The following PFKFB3 variants were observed in gnomAD, a reference collection of about 807,000 sequenced individuals.
PFKFB3 encodes the protein 6-phosphofructo-2-kinase/fructose-2,6-biphosphatase 3.
PFKFB3 carries 33 observed loss-of-function variants against 68.0 expected under a neutral mutation model. That is an observed-to-expected ratio of 0.49 (90% CI 0.37 to 0.65). The LOEUF (loss-of-function observed/expected upper bound fraction) is 0.65. Ranked by LOEUF, PFKFB3 falls within the 30% of genes least tolerant of loss-of-function variation. The pLI is 0.00. For missense variants in PFKFB3, 586 were observed against 712.2 expected, an observed-to-expected ratio of 0.82 and a Z score of 2.02; for synonymous variants, 315 against 288.2, an observed-to-expected ratio of 1.09 and a Z score of -0.94.
the PFKFB3 span, among the ~76,000 whole-genome samples, chr10:6,278,799 G>A: frequency 6.6e-6 from 1 of 152,152 alleles, no homozygotes; most frequent in African/African-American, 2.4e-5. Context: ...GCTCGTTTAA[G>A]GAATGAATAG....
chr10:6,240,325 C>T (rs1248318956), downstream of PFKFB3, among the ~76,000 whole-genome samples: 1 of 152,048 alleles, frequency 6.6e-6, no homozygotes, highest in Non-Finnish European at 1.5e-5. Context: ...ACTGCGGTGG[C>T]ACTATCTCGG....
chr10:6,210,346 GTTTT>G (rs1225843582), intron 1 of PFKFB3, among the ~76,000 whole-genome samples: 1 of 32,790 alleles, frequency 3.0e-5, no homozygotes, highest in East Asian at 1.3e-3. Context: ...GTTTTTTTTT[GTTTT>G]TTTTTGTTTT....
chr10:6,149,070 C>A (rs186550070), intron 1 of PFKFB3, among the ~76,000 whole-genome samples: 1 of 152,118 alleles, frequency 6.6e-6, no homozygotes. Flanking sequence ...CAGAGCAAGA[C>A]CCTGTCTCTC....
intron 1 of PFKFB3, among the ~76,000 whole-genome samples, chr10:6,179,989 C>T (rs1177577248): frequency 2.6e-5 from 4 of 152,062 alleles, no homozygotes; most frequent in African/African-American, 4.8e-5. Flanking sequence ...AGGTGCTAGT[C>T]GGGTCCTGAG....
chr10:6,191,208 A>G (rs12359173), intron 1 of PFKFB3, among the ~76,000 whole-genome samples: 13,710 of 152,320 alleles, frequency 0.09, 814 homozygotes, highest in Non-Finnish European at 0.13. Context: ...TTATTTAAAG[A>G]TACATTTGTT....
intron 1 of PFKFB3, among the ~76,000 whole-genome samples, chr10:6,205,202 A>T (rs961340310): frequency 1.4e-5 from 2 of 143,382 alleles, no homozygotes; most frequent in Non-Finnish European, 3.1e-5. Context: ...CCTTCTTGTA[A>T]AAAGATCCGC....
chr10:6,191,568 G>GGGGCTC (rs1013734433), intron 1 of PFKFB3, among the ~76,000 whole-genome samples: 18 of 152,342 alleles, frequency 1.2e-4, no homozygotes, highest in Admixed American at 1.1e-3. Context: ...AGCTGGGATG[G>GGGGCTC]GGGCTCGGGC....
chr10:6,253,198 A>G (rs748325549), intron 14 of PFKFB3, among the ~76,000 whole-genome samples: 3 of 152,212 alleles, frequency 2.0e-5, no homozygotes, highest in Non-Finnish European at 2.9e-5. Flanking sequence ...GATTATAGGC[A>G]TGAGCCACCA....
At chr10:6,153,939 G>T (rs1176014960) in intron 1 of PFKFB3, among the ~76,000 whole-genome samples, 1 of 152,156 alleles carries the variant, frequency 6.6e-6, no homozygotes, top group African/African-American at 2.4e-5. Context: ...GGGGACATTT[G>T]GACCAAGACT....
At chr10:6,232,141 TTTC>T (rs1157423271) in intron 14 of PFKFB3, among the ~76,000 whole-genome samples, 1 of 152,076 alleles carries the variant, frequency 6.6e-6, no homozygotes, top group Non-Finnish European at 1.5e-5. Context: ...CATTGTGTGT[TTTC>T]TTGTTTTTTG....
At chr10:6,178,958 G>A (rs1235499938) in intron 1 of PFKFB3, among the ~76,000 whole-genome samples, 1 of 152,214 alleles carries the variant, frequency 6.6e-6, no homozygotes. Context: ...GGGGTCCTCC[G>A]CAGGTGATTT....
At chr10:6,164,758 C>G (rs1232712628) in intron 1 of PFKFB3, among the ~76,000 whole-genome samples, 1 of 152,120 alleles carries the variant, frequency 6.6e-6, no homozygotes, top group African/African-American at 2.4e-5. Flanking sequence ...TGAATAAGTT[C>G]AAGGAAAGGT....
At chr10:6,322,840 C>T in the PFKFB3 span, among the ~76,000 whole-genome samples, 4 of 152,216 alleles carry the variant, frequency 2.6e-5, no homozygotes, top group African/African-American at 7.2e-5. Context: ...TATTCTCTGT[C>T]GTGACTCTTT....
the PFKFB3 span, among the ~76,000 whole-genome samples, chr10:6,313,069 G>A: frequency 2.0e-5 from 3 of 152,190 alleles, no homozygotes; most frequent in East Asian, 3.8e-4. The surrounding 1 kb of genome is among the most constrained non-coding windows in gnomAD (Gnocchi z 4.2). Flanking sequence ...GTTTTAGCTC[G>A]CATGAGAAAT....
Position 6,231,606 on chromosome 10 carries a change from G to A in PFKFB3, c.1516-1289G>A, listed in dbSNP as rs1845747690. On this transcript the variant is annotated intron_variant, in intron 14 of 14. Transcript: ENST00000379775. ...GAAGCTGTGGGCTGGTGGTGTTGAGGACAGGTTGGAGCCAGCAGATGCGGA... is the reference window on the plus strand; with the variant it reads ...GAAGCTGTGGGCTGGTGGTGTTGAGAACAGGTTGGAGCCAGCAGATGCGGA... 1.1e-5 allele frequency: 11 copies of A among 984,812 alleles called. No homozygotes were observed. In the South Asian group the frequency reaches 4.2e-4, roughly 38 times the overall value. 61.0% of individuals were successfully genotyped at this position (984,812 alleles called of 1,614,324 possible).
downstream of PFKFB3, among the ~76,000 whole-genome samples, chr10:6,237,723 G>A (rs369612071): frequency 6.6e-6 from 1 of 152,060 alleles, no homozygotes; most frequent in African/African-American, 2.4e-5. Flanking sequence ...GTGCCACCAC[G>A]CCCAACTAAT....
rs1434644246 is a variant in PFKFB3 at position 6,228,678 on chromosome 10, C to T, written c.1515+2313C>T. On this transcript the variant is annotated intron_variant, in intron 14 of 14. Coordinates refer to ENST00000379775, the MANE Select transcript of PFKFB3 (RefSeq NM_004566.4). The surrounding 1 kb of genome is among the most constrained non-coding windows in gnomAD (Gnocchi z 4.5). ...TCAGAGCCTAATCTGTAAACCAAAC[C>T]TATGGGGAATAGTGGGAGTGTGGTG... Among the ~76,000 whole-genome samples the T allele has an allele frequency of 4.8e-5, 4 of 82,874 alleles. No homozygotes were observed. Among genetic ancestry groups the T allele is most frequent in the African/African-American group, 1.4e-4 (4 of 27,842 alleles). 54.4% of individuals were successfully genotyped at this position (82,874 alleles called of 152,430 possible).
chr10:6,194,741 G>A (rs1273860995), intron 1 of PFKFB3, among the ~76,000 whole-genome samples: 1 of 152,200 alleles, frequency 6.6e-6, no homozygotes, highest in Non-Finnish European at 1.5e-5. Flanking sequence ...CAAGGGCCTT[G>A]GAGTGACCAC....
At chr10:6,237,093 G>A (rs371393435), downstream of PFKFB3, among the ~76,000 whole-genome samples, 4 of 152,186 alleles carry the variant, frequency 2.6e-5, no homozygotes, top group South Asian at 6.2e-4. Context: ...CGAGAGTGCC[G>A]CTCCCTCCCC....
Sources: gnomAD v4.1 joint callset for allele counts (sites outside exome capture counted in the v4.1 genomes callset) on GRCh38, gnomAD v4.1.1 for gene constraint, Gnocchi (gnomAD v3.1) non-coding constraint, MANE v1.5 for transcripts, NCBI Gene and HGNC (gene_info 2026-07-23, HGNC 2026-07-21) for gene names.